Variants in CLVS1 observed in about 807,000 individuals in gnomAD.
CLVS1 encodes clavesin-1.
CLVS1 carries 10 observed loss-of-function variants against 33.1 expected under a neutral mutation model. The observed-to-expected ratio is 0.30, with a 90% CI of 0.19 to 0.51. The LOEUF is 0.51. Ranked by LOEUF, CLVS1 falls within the 20% of genes least tolerant of loss-of-function variation. The pLI, the probability that CLVS1 is intolerant of heterozygous loss-of-function variation, is 0.97. For synonymous variants in CLVS1, 163 were observed against 166.1 expected (o/e 0.98, Z 0.14); for missense variants, 343 against 433.4 (o/e 0.79, Z 1.85).
At chr8:61,406,649 C>G (rs975114813) in intron 3 of CLVS1, among the ~76,000 whole-genome samples, 5 of 151,942 alleles carry the variant, frequency 3.3e-5, no homozygotes, top group Non-Finnish European at 7.4e-5. Context: ...GCTCTGTCAC[C>G]CAGGCTGGTG....
the CLVS1 span, among the ~76,000 whole-genome samples, chr8:60,994,592 C>G: frequency 6.6e-6 from 1 of 152,192 alleles, no homozygotes; most frequent in Non-Finnish European, 1.5e-5. Flanking sequence ...TCTCTTACAA[C>G]AATGCCTCTC....
chr8:61,462,514 T>A (rs1389623143), intron 5 of CLVS1, among the ~76,000 whole-genome samples: 1 of 152,106 alleles, frequency 6.6e-6, no homozygotes, highest in Non-Finnish European at 1.5e-5. Context: ...CCTCCTGAGC[T>A]GAAATGTATT....
intron 2 of CLVS1, among the ~76,000 whole-genome samples, chr8:61,249,323 A>G (rs1444559754): frequency 6.6e-6 from 1 of 152,142 alleles, no homozygotes; most frequent in East Asian, 1.9e-4. Flanking sequence ...TCTATCACTG[A>G]TGGACATTTG....
intron 2 of CLVS1, among the ~76,000 whole-genome samples, chr8:61,355,784 G>A (rs1812675704): frequency 6.6e-6 from 1 of 152,146 alleles, no homozygotes; most frequent in Non-Finnish European, 1.5e-5. Context: ...TGGTGTATAT[G>A]TGCCACATTT....
intron 5 of CLVS1, among the ~76,000 whole-genome samples, chr8:61,493,182 A>G (rs1804153851): frequency 6.6e-6 from 1 of 152,238 alleles, no homozygotes; most frequent in African/African-American, 2.4e-5. Context: ...TTTTTAAAAT[A>G]CTAGACTTCA....
At chr8:61,240,568 G>T (rs1808677223) in intron 2 of CLVS1, among the ~76,000 whole-genome samples, 1 of 152,192 alleles carries the variant, frequency 6.6e-6, no homozygotes, top group Non-Finnish European at 1.5e-5. Flanking sequence ...GTAAAGGCAA[G>T]ATCTTTGTCT....
At chr8:60,997,038 T>A in the CLVS1 span, among the ~76,000 whole-genome samples, 1 of 151,534 alleles carries the variant, frequency 6.6e-6, no homozygotes, top group Non-Finnish European at 1.5e-5. Flanking sequence ...AAAAAAAAGA[T>A]CTGAAACCTA....
At chr8:61,241,207 G>T (rs1189014527) in intron 2 of CLVS1, among the ~76,000 whole-genome samples, 1 of 152,086 alleles carries the variant, frequency 6.6e-6, no homozygotes, top group Non-Finnish European at 1.5e-5. Flanking sequence ...TCCTTTATCA[G>T]ATTTAAAGAC....
chr8:61,189,354 A>G (rs1209206998), intron 2 of CLVS1, among the ~76,000 whole-genome samples: 1 of 152,214 alleles, frequency 6.6e-6, no homozygotes, highest in African/African-American at 2.4e-5. Context: ...GGCCTGCTCT[A>G]CAAGAGCTCC....
chr8:60,971,957 A>G, the CLVS1 span, among the ~76,000 whole-genome samples: 2 of 152,062 alleles, frequency 1.3e-5, no homozygotes, highest in African/African-American at 2.4e-5. Context: ...CTTGCAAGCA[A>G]TTGTATTTGC....
the CLVS1 span, among the ~76,000 whole-genome samples, chr8:61,047,635 C>A: frequency 2.6e-5 from 4 of 152,150 alleles, no homozygotes; most frequent in Non-Finnish European, 4.4e-5. Flanking sequence ...AGTTCATGTC[C>A]TTTGTAGGGA....
intron 2 of CLVS1, among the ~76,000 whole-genome samples, chr8:61,311,045 C>A (rs1810813491): frequency 6.6e-6 from 1 of 152,162 alleles, no homozygotes; most frequent in Admixed American, 6.5e-5. Context: ...GGCAGATAGT[C>A]ATTTCCTTTC....
intron 2 of CLVS1, among the ~76,000 whole-genome samples, chr8:61,189,339 C>T (rs878970082): frequency 3.9e-5 from 6 of 152,150 alleles, no homozygotes; most frequent in Non-Finnish European, 8.8e-5. Context: ...ATTTTGTCAC[C>T]ACCAGGCCTG....
chr8:61,426,655 A>C (rs1260366513), intron 3 of CLVS1, among the ~76,000 whole-genome samples: 1 of 152,176 alleles, frequency 6.6e-6, no homozygotes, highest in Non-Finnish European at 1.5e-5. Flanking sequence ...AGTACCGTCT[A>C]CCACTGGATT....
intron 5 of CLVS1, among the ~76,000 whole-genome samples, chr8:61,484,632 C>A (rs1437487827): frequency 2.6e-5 from 4 of 152,180 alleles, no homozygotes. Flanking sequence ...GACCACATTG[C>A]CAAGACAATC....
chr8:61,325,408 T>C (rs1352589400), intron 2 of CLVS1, among the ~76,000 whole-genome samples: 1 of 152,188 alleles, frequency 6.6e-6, no homozygotes, highest in East Asian at 1.9e-4. Context: ...TATAGAACAT[T>C]GAAGGCCCAG....
chr8:61,061,386 G>A lies in CLVS1; in HGVS notation c.-243+4156G>A, dbSNP rs149657096. Among the ~76,000 whole-genome samples, 17 of 152,112 alleles carry A rather than the reference G, an allele frequency of 1.1e-4. No homozygotes were observed. The East Asian group carries it at 1.7e-3, about 16-fold the overall frequency. ...AGTTCCTCTGCCATGAATTCGCACCGCACGTACCCATATGCCAGTCCTTTG... is the reference window on the plus strand; with the variant it reads ...AGTTCCTCTGCCATGAATTCGCACCACACGTACCCATATGCCAGTCCTTTG... On this transcript the variant is annotated intron_variant, in intron 1 of 2. Transcript: ENST00000522621.
intron 3 of CLVS1, among the ~76,000 whole-genome samples, chr8:61,386,436 T>C (rs1406274241): frequency 6.6e-6 from 1 of 152,214 alleles, no homozygotes; most frequent in Admixed American, 6.5e-5. Flanking sequence ...TGCTCTCACA[T>C]ATCAAATTTA....
intron 2 of CLVS1, among the ~76,000 whole-genome samples, chr8:61,233,784 G>T (rs1585709917): frequency 6.6e-6 from 1 of 152,238 alleles, no homozygotes; most frequent in Non-Finnish European, 1.5e-5. Flanking sequence ...CATCCTTGAT[G>T]CATGGGCTTT....
Sources: allele counts gnomAD v4.1 joint callset (sites outside exome capture counted in the v4.1 genomes callset), GRCh38; gene constraint gnomAD v4.1.1; transcripts MANE v1.5; gene names NCBI Gene and HGNC (gene_info 2026-07-23, HGNC 2026-07-21).